ACACA: variants seen among roughly 807,000 people sequenced by gnomAD.
The protein encoded by ACACA is acetyl-CoA carboxylase alpha, also known as acetyl-CoA carboxylase 1.
Under a neutral mutation model 296.1 loss-of-function variants are expected in ACACA, and 103 were observed. The observed-to-expected ratio is 0.35, with a 90% CI of 0.30 to 0.41. The LOEUF (loss-of-function observed/expected upper bound fraction) is 0.41. Among genes scored for constraint, ACACA ranks in the 10% least tolerant of loss-of-function variants. The pLI is 1.00. For missense variants in ACACA, 1,554 were observed against 2,989.7 expected (o/e 0.52, Z 11.20); for synonymous variants, 953 against 1,038.6 (o/e 0.92, Z 1.58).
intron 29 of ACACA, among the ~76,000 whole-genome samples, chr17:37,216,048 T>C (rs149931675): frequency 1.5e-3 from 211 of 137,848 alleles, no homozygotes; most frequent in Non-Finnish European, 2.4e-3. Context: ...AGTTAAAAAA[T>C]GACACATTAA....
At chr17:37,372,855 GATCT>G (rs2049856208) in intron 1 of ACACA, among the ~76,000 whole-genome samples, 1 of 151,936 alleles carries the variant, frequency 6.6e-6, no homozygotes, top group Admixed American at 6.6e-5. Flanking sequence ...TAGAAACATG[GATCT>G]ATTTGTCTAC....
intron 35 of ACACA, among the ~76,000 whole-genome samples, chr17:37,197,409 C>A (rs2078052356): frequency 6.6e-6 from 1 of 152,304 alleles, no homozygotes; most frequent in African/African-American, 2.4e-5. Context: ...AGTGCAAATT[C>A]TCTCTTCCAT....
intron 35 of ACACA, among the ~76,000 whole-genome samples, chr17:37,198,506 G>T (rs916772879): frequency 4.6e-5 from 7 of 152,042 alleles, no homozygotes; most frequent in Admixed American, 6.6e-5. Context: ...TTTATCCATG[G>T]GCTTTCATAT....
intron 1 of ACACA, chr17:37,392,771 GATTTAAT>G (rs997937947): frequency 1.3e-5 from 2 of 152,052 alleles, no homozygotes; most frequent in African/African-American, 4.8e-5. Context: ...CCTAAGGCTC[GATTTAAT>G]ATTCAAGTCC....
chr17:37,342,458 T>TATACAC (rs1369014067), intron 1 of ACACA, among the ~76,000 whole-genome samples: 8 of 98,378 alleles, frequency 8.1e-5, no homozygotes, highest in African/African-American at 3.9e-4. Context: ...TATATATATA[T>TATACAC]ACACACACAC....
chr17:37,287,967 C>A (rs2082867777), intron 3 of ACACA, among the ~76,000 whole-genome samples: 1 of 152,072 alleles, frequency 6.6e-6, no homozygotes, highest in African/African-American at 2.4e-5. Context: ...TATACTGCAT[C>A]TGGACTGGAA....
intron 52 of ACACA, among the ~76,000 whole-genome samples, chr17:37,102,575 C>T (rs1199771245): frequency 2.0e-5 from 3 of 152,184 alleles, no homozygotes; most frequent in Non-Finnish European, 4.4e-5. Flanking sequence ...TGTTCTTCCA[C>T]ATTAAATGGT....
chr17:37,265,389 CA>C (rs1406065641), intron 10 of ACACA, among the ~76,000 whole-genome samples: 1 of 152,178 alleles, frequency 6.6e-6, no homozygotes, highest in Non-Finnish European at 1.5e-5. Flanking sequence ...CCAAGACCCC[CA>C]AAGTCTCATC....
intron 3 of ACACA, chr17:37,299,218 C>T: frequency 1.3e-6 from 2 of 1,517,376 alleles, no homozygotes; most frequent in Non-Finnish European, 1.8e-6. Flanking sequence ...GCTTAGCTGT[C>T]AGTACCTTAC....
intron 45 of ACACA, among the ~76,000 whole-genome samples, chr17:37,138,646 CA>C (rs2075430323): frequency 6.6e-6 from 1 of 152,210 alleles, no homozygotes; most frequent in Non-Finnish European, 1.5e-5. Flanking sequence ...ATATAGCTGT[CA>C]TCTCCTTTCC....
chr17:37,279,393 G>C (rs2082405247), intron 5 of ACACA, among the ~76,000 whole-genome samples: 1 of 152,166 alleles, frequency 6.6e-6, no homozygotes, highest in Admixed American at 6.5e-5. Context: ...CTAGCATTTT[G>C]GGAGGCTGAG....
At chr17:37,265,642 A>T (rs574812812) in intron 10 of ACACA, among the ~76,000 whole-genome samples, 2 of 152,298 alleles carry the variant, frequency 1.3e-5, no homozygotes, top group South Asian at 2.1e-4. Flanking sequence ...ATTGGTCCAT[A>T]GCAATTCTGA....
At chr17:37,222,271 A>T (rs2079329788) in intron 28 of ACACA, among the ~76,000 whole-genome samples, 1 of 152,124 alleles carries the variant, frequency 6.6e-6, no homozygotes, top group Non-Finnish European at 1.5e-5. Context: ...ACAAGCAATC[A>T]CAGTACAGTT....
intron 41 of ACACA, among the ~76,000 whole-genome samples, chr17:37,167,265 A>AT (rs1246208697): frequency 1.3e-4 from 12 of 95,826 alleles, no homozygotes; most frequent in Non-Finnish European, 2.1e-4. Flanking sequence ...CAAAAATGGT[A>AT]TTTTCTTTTT....
chr17:37,285,017 G>C (rs1447767487), intron 3 of ACACA, 47 bp from the exon 4 acceptor site: 4 of 1,612,730 alleles, frequency 2.5e-6, no homozygotes, highest in South Asian at 1.1e-5. Context: ...ATTTTCTGGA[G>C]ACCTGCTTTT....
intron 45 of ACACA, among the ~76,000 whole-genome samples, chr17:37,136,682 C>T (rs751334697): frequency 2.0e-5 from 3 of 152,070 alleles, no homozygotes; most frequent in Non-Finnish European, 4.4e-5. Context: ...GTGGCTCACA[C>T]CTGTAATCCC....
intron 1 of ACACA, chr17:37,365,807 C>G: frequency 1.1e-6 from 1 of 887,346 alleles, no homozygotes; most frequent in Non-Finnish European, 1.4e-6. Flanking sequence ...TAGAGACTCC[C>G]CACGATGTTT....
chr17:37,260,546 C>T (rs936772093), intron 11 of ACACA, among the ~76,000 whole-genome samples: 3 of 150,124 alleles, frequency 2.0e-5, no homozygotes, highest in African/African-American at 4.9e-5. Flanking sequence ...TCAGGTGATC[C>T]GCCCACCTCA....
intron 48 of ACACA, among the ~76,000 whole-genome samples, chr17:37,125,061 T>C (rs1372564212): frequency 6.6e-6 from 1 of 152,190 alleles, no homozygotes; most frequent in Non-Finnish European, 1.5e-5. Context: ...TATAGCTCGT[T>C]ATAGCAAGCA....
Sources: gnomAD v4.1 joint callset for allele counts (sites outside exome capture counted in the v4.1 genomes callset) on GRCh38, gnomAD v4.1.1 for gene constraint, MANE v1.5 for transcripts, NCBI Gene and HGNC (gene_info 2026-07-23, HGNC 2026-07-21) for gene names.